Variants in SDK1 observed in about 807,000 individuals in gnomAD.
The protein encoded by SDK1 is protein sidekick-1.
In SDK1, 157 loss-of-function variants were observed where a neutral mutation model predicts 245.5. That is an observed-to-expected ratio of 0.64 (90% confidence interval 0.56 to 0.73). SDK1 has a LOEUF of 0.73. Among genes scored for constraint, SDK1 ranks in the 30% least tolerant of loss-of-function variants. The pLI, the probability that SDK1 is intolerant of heterozygous loss-of-function variation, is 0.00. For synonymous variants in SDK1, 1,647 were observed against 1,278.5 expected (o/e 1.29, Z -6.15); for missense variants, 3,583 against 3,002.3 (o/e 1.19, Z -4.52).
chr7:3,925,962 C>G (rs765737687), intron 5 of SDK1, among the ~76,000 whole-genome samples: 29 of 152,184 alleles, frequency 1.9e-4, no homozygotes, highest in Non-Finnish European at 3.4e-4. Flanking sequence ...CGTGTTATCC[C>G]TTTTCAGGTC....
intron 35 of SDK1, among the ~76,000 whole-genome samples, chr7:4,182,516 C>G (rs1782657913): frequency 6.6e-6 from 1 of 152,178 alleles, no homozygotes; most frequent in South Asian, 2.1e-4. Flanking sequence ...AGGGACGTGT[C>G]CTGGAGACAG....
At chr7:4,127,737 C>T (rs114668757) in intron 26 of SDK1, among the ~76,000 whole-genome samples, 2,116 of 152,342 alleles carry the variant, frequency 0.014, 50 homozygotes, top group African/African-American at 0.048. Context: ...AAAGCACAGC[C>T]GGAGTGGAAC....
intron 1 of SDK1, among the ~76,000 whole-genome samples, chr7:3,452,333 C>G (rs371223366): frequency 6.6e-6 from 1 of 152,148 alleles, no homozygotes; most frequent in South Asian, 2.1e-4. Flanking sequence ...TTCTGCCACT[C>G]TTTGGAAGCA....
intron 4 of SDK1, among the ~76,000 whole-genome samples, chr7:3,678,572 A>G (rs1783983208): frequency 6.6e-6 from 1 of 152,238 alleles, no homozygotes; most frequent in Non-Finnish European, 1.5e-5. Flanking sequence ...AGGTCTCTAG[A>G]ATACGCAAAT....
intron 35 of SDK1, among the ~76,000 whole-genome samples, chr7:4,190,081 T>C (rs1051682891): frequency 6.6e-6 from 1 of 152,196 alleles, no homozygotes; most frequent in African/African-American, 2.4e-5. Flanking sequence ...ATTAAAAGGC[T>C]TCAGTGACGC....
intron 1 of SDK1, among the ~76,000 whole-genome samples, chr7:3,385,806 A>G (rs1781596367): frequency 6.6e-6 from 1 of 152,198 alleles, no homozygotes; most frequent in African/African-American, 2.4e-5. Context: ...AATATCTCTC[A>G]ATAACAAAAT....
At chr7:4,162,363 GTTGTTGTTATTATTATTA>G (rs1162404791) in intron 32 of SDK1, among the ~76,000 whole-genome samples, 111 of 116,372 alleles carry the variant, frequency 9.5e-4, no homozygotes, top group African/African-American at 3.2e-3. Context: ...GGTGGTTGTT[GTTGTTGTTATTATTATTA>G]TTATTATTAT....
intron 5 of SDK1, among the ~76,000 whole-genome samples, chr7:3,862,046 G>T (rs1020310890): frequency 4.6e-5 from 7 of 152,176 alleles, no homozygotes; most frequent in Non-Finnish European, 1.0e-4. Context: ...CCCAGAGCAC[G>T]GTTTGAAAAA....
At chr7:3,636,894 A>G (rs1782471314) in intron 2 of SDK1, among the ~76,000 whole-genome samples, 1 of 152,104 alleles carries the variant, frequency 6.6e-6, no homozygotes, top group Non-Finnish European at 1.5e-5. Context: ...GTAAGATGAC[A>G]TCTCATTATG....
At chr7:3,549,898 GA>G (rs1030470323) in intron 1 of SDK1, among the ~76,000 whole-genome samples, 9 of 149,028 alleles carry the variant, frequency 6.0e-5, no homozygotes, top group Non-Finnish European at 8.9e-5. Flanking sequence ...AGCCAGAAAG[GA>G]AAAAAAAACC....
chr7:3,763,558 G>A (rs1156802009), intron 4 of SDK1, among the ~76,000 whole-genome samples: 3 of 152,096 alleles, frequency 2.0e-5, no homozygotes, highest in African/African-American at 4.8e-5. Context: ...ACTTCACCAT[G>A]CATATCATTA....
chr7:4,030,012 T>A (rs1172788846), intron 17 of SDK1, among the ~76,000 whole-genome samples: 1 of 152,176 alleles, frequency 6.6e-6, no homozygotes, highest in Non-Finnish European at 1.5e-5. Flanking sequence ...GAGAGAGCTG[T>A]GACCGTAACT....
Position 4,161,832 on chromosome 7 carries a change from G to A in SDK1, c.4776G>A (p.Thr1592=), listed in dbSNP as rs113979666. 1,932 of 1,614,124 alleles carry A rather than the reference G, an allele frequency of 1.2e-3. 12 individuals are homozygous for A. The African/African-American group carries it at 0.017, about 14-fold the overall frequency. Residue 1592 remains threonine (T), a synonymous_variant, in exon 32 of 45, where the codon ACG becomes ACA. Coordinates refer to ENST00000404826, the MANE Select transcript of SDK1 (RefSeq NM_152744.4). ...PGSVSATPHT[T]SSVLIQWQPP... Reference sequence around the variant, plus strand: ...CTGTCTCAGCGACGCCACACACCACGTCCTCTGTCCTGATACAGTGGCAGG... The same window carrying A: ...CTGTCTCAGCGACGCCACACACCACATCCTCTGTCCTGATACAGTGGCAGG...
rs116362496 is a variant in SDK1 at position 3,660,832 on chromosome 7, T to A, written c.713+18727T>A. ...TAGAACTTATTTATCTTTGAGAGCATGAATCTTTTCTTCTTCAATCTAGAC... is the reference window on the plus strand; with the variant it reads ...TAGAACTTATTTATCTTTGAGAGCAAGAATCTTTTCTTCTTCAATCTAGAC... On this transcript the variant is annotated intron_variant, in intron 4 of 44. Transcript: ENST00000404826. 1.2e-3 allele frequency among the ~76,000 whole-genome samples: 188 copies of A among 152,354 alleles called. 1 individual carries two copies. The highest frequency in any genetic ancestry group is 4.4e-3 in the African/African-American group (184 of 41,576).
At chr7:4,076,858 A>C (rs1402521160) in intron 20 of SDK1, 140 bp from the exon 21 acceptor site, 2 of 670,832 alleles carry the variant, frequency 3.0e-6, no homozygotes, top group African/African-American at 3.6e-5. Context: ...TCATGTCAGT[A>C]GCACAGTGGC....
chr7:3,725,260 A>G (rs1469477678), intron 4 of SDK1, among the ~76,000 whole-genome samples: 6 of 152,216 alleles, frequency 3.9e-5, no homozygotes, highest in Middle Eastern at 3.4e-3. Flanking sequence ...TTCACATGGT[A>G]CTCCCAGCAA....
intron 5 of SDK1, among the ~76,000 whole-genome samples, chr7:3,938,837 G>C (rs1445839954): frequency 6.6e-6 from 1 of 152,126 alleles, no homozygotes; most frequent in Admixed American, 6.5e-5. Flanking sequence ...CTGCAGCACT[G>C]TCTTTTATCA....
At chr7:3,903,743 C>A (rs1198052117) in intron 5 of SDK1, among the ~76,000 whole-genome samples, 1 of 152,112 alleles carries the variant, frequency 6.6e-6, no homozygotes, top group Non-Finnish European at 1.5e-5. Flanking sequence ...CCTTCCAAGC[C>A]TCAAGTTGAA....
chr7:3,398,746 C>A (rs1039953033), intron 1 of SDK1, among the ~76,000 whole-genome samples: 2 of 149,528 alleles, frequency 1.3e-5, no homozygotes, highest in Admixed American at 6.8e-5. Flanking sequence ...TGTATGGGTC[C>A]CCTAAGACTG....
Sources: gnomAD v4.1 joint callset for allele counts (sites outside exome capture counted in the v4.1 genomes callset) on GRCh38, gnomAD v4.1.1 for gene constraint, MANE v1.5 for transcripts, NCBI Gene and HGNC (gene_info 2026-07-23, HGNC 2026-07-21) for gene names.